The following ITGA8 variants were observed in gnomAD, a reference collection of about 807,000 sequenced individuals.
ITGA8 encodes integrin subunit alpha 8, also known as integrin alpha-8.
A neutral mutation model predicts 142.3 loss-of-function variants in ITGA8; 91 were observed. That is an observed-to-expected ratio of 0.64 (90% confidence interval 0.54 to 0.76). The LOEUF (loss-of-function observed/expected upper bound fraction) is 0.76, where lower values mean the gene tolerates loss of function less well. Among genes scored for constraint, ITGA8 ranks in the 30% least tolerant of loss-of-function variants. The pLI, the probability that ITGA8 is intolerant of heterozygous loss-of-function variation, is 0.00. For missense variants in ITGA8, 1,406 were observed against 1,327.7 expected, an observed-to-expected ratio of 1.06 and a Z score of -0.92; for synonymous variants, 505 against 485.2, an observed-to-expected ratio of 1.04 and a Z score of -0.54.
At chr10:15,674,172 T>C (rs900284166) in intron 6 of ITGA8, among the ~76,000 whole-genome samples, 2 of 152,200 alleles carry the variant, frequency 1.3e-5, no homozygotes, top group African/African-American at 2.4e-5. Flanking sequence ...ATTAAGACCA[T>C]GGTATTTACA....
At chr10:15,695,760 A>T (rs1248233756) in intron 2 of ITGA8, among the ~76,000 whole-genome samples, 9 of 152,206 alleles carry the variant, frequency 5.9e-5, no homozygotes, top group Non-Finnish European at 1.3e-4. Flanking sequence ...ATTTGAGAAC[A>T]GGGAAAGAAA....
chr10:15,588,565 A>G lies in ITGA8; in HGVS notation c.2292-1901T>C, dbSNP rs1424564898. 4.6e-5 allele frequency among the ~76,000 whole-genome samples: 7 copies of G among 152,290 alleles called. No individual in the cohort carries two copies. In the East Asian group the frequency reaches 1.3e-3, roughly 29 times the overall value. Reference sequence around the variant, plus strand: ...TATGGTTCCAAATATATTATGGGTAATTCTTCAGTTTGGAAATTTAAATAT... The same window carrying G: ...TATGGTTCCAAATATATTATGGGTAGTTCTTCAGTTTGGAAATTTAAATAT... On this transcript the variant is annotated intron_variant, in intron 22 of 29. Transcript: ENST00000378076.
chr10:15,602,731 C>G (rs1383499405), intron 20 of ITGA8, among the ~76,000 whole-genome samples: 2 of 139,372 alleles, frequency 1.4e-5, no homozygotes, highest in Non-Finnish European at 3.3e-5. Context: ...GAGCAAGACC[C>G]TGTCTCAAAA....
chr10:15,625,134 G>A (rs539219502), intron 13 of ITGA8, among the ~76,000 whole-genome samples: 2 of 151,888 alleles, frequency 1.3e-5, no homozygotes, highest in Admixed American at 1.3e-4. Flanking sequence ...CTAACAATCT[G>A]TCTGAAATGC....
intron 2 of ITGA8, among the ~76,000 whole-genome samples, chr10:15,715,958 A>G (rs1296754040): frequency 1.3e-5 from 2 of 152,156 alleles, no homozygotes; most frequent in East Asian, 1.9e-4. Context: ...CCTTCCCCAC[A>G]CCCATTTTCA....
At chr10:15,534,839 C>T (rs1833386991) in intron 27 of ITGA8, among the ~76,000 whole-genome samples, 1 of 152,240 alleles carries the variant, frequency 6.6e-6, no homozygotes, top group African/African-American at 2.4e-5. Flanking sequence ...GCTCTCGGCG[C>T]CTCCTCTGCC....
At chr10:15,717,182 A>G (rs1835469797) in intron 2 of ITGA8, among the ~76,000 whole-genome samples, 1 of 152,186 alleles carries the variant, frequency 6.6e-6, no homozygotes, top group African/African-American at 2.4e-5. Context: ...ATTTGATGTT[A>G]TGAGACTATA....
intron 28 of ITGA8, among the ~76,000 whole-genome samples, chr10:15,526,092 A>G (rs1833168962): frequency 6.6e-6 from 1 of 152,202 alleles, no homozygotes; most frequent in Non-Finnish European, 1.5e-5. Context: ...AATAGCTACC[A>G]TGTTGGACTG....
intron 14 of ITGA8, among the ~76,000 whole-genome samples, chr10:15,615,820 CT>C (rs9333149): frequency 9.3e-5 from 14 of 150,358 alleles, no homozygotes; most frequent in East Asian, 3.9e-4. Flanking sequence ...TGCCATAAAA[CT>C]TTTTTTTTTA....
intron 2 of ITGA8, among the ~76,000 whole-genome samples, chr10:15,708,600 T>G (rs185791457): frequency 4.6e-4 from 70 of 152,314 alleles, no homozygotes; most frequent in African/African-American, 1.6e-3. Context: ...AAAAAAGTTT[T>G]AATCACATTT....
chr10:15,670,510 C>A (rs186309712), intron 8 of ITGA8, among the ~76,000 whole-genome samples: 2 of 152,132 alleles, frequency 1.3e-5, no homozygotes, highest in African/African-American at 4.8e-5. Flanking sequence ...GAATCTATTA[C>A]GAGCAACACA....
chr10:15,692,676 C>T (rs567096040), intron 2 of ITGA8, among the ~76,000 whole-genome samples: 5 of 152,228 alleles, frequency 3.3e-5, no homozygotes, highest in Admixed American at 3.3e-4. Context: ...GATAACACCT[C>T]AACACAATTG....
intron 3 of ITGA8, among the ~76,000 whole-genome samples, chr10:15,684,434 A>C (rs1433148970): frequency 6.6e-6 from 1 of 152,120 alleles, no homozygotes; most frequent in Non-Finnish European, 1.5e-5. Context: ...AGGCATGATC[A>C]CAGCTCACTG....
chr10:15,672,563 A>C, intron 7 of ITGA8, 61 bp downstream of exon 7: 1 of 1,544,382 alleles, frequency 6.5e-7, no homozygotes, highest in Non-Finnish European at 8.7e-7. Flanking sequence ...TAAAACTTGC[A>C]TCTACATTTA....
chr10:15,682,879 T>C (rs1203037172), intron 4 of ITGA8, among the ~76,000 whole-genome samples: 2 of 151,150 alleles, frequency 1.3e-5, no homozygotes, highest in Non-Finnish European at 2.9e-5. Context: ...AAAAAATTTC[T>C]ACTGCCTGTT....
chr10:15,710,891 C>G (rs1024028975), intron 2 of ITGA8, among the ~76,000 whole-genome samples: 1 of 152,116 alleles, frequency 6.6e-6, no homozygotes, highest in Non-Finnish European at 1.5e-5. Flanking sequence ...CCTTCTCTCT[C>G]GTGTCAGTAT....
intron 23 of ITGA8, among the ~76,000 whole-genome samples, chr10:15,582,714 T>G (rs1168464465): frequency 6.6e-6 from 1 of 152,192 alleles, no homozygotes; most frequent in African/African-American, 2.4e-5. Context: ...AAATGAAAAC[T>G]AAAAACTCAG....
At chr10:15,603,045 T>C (rs78510819) in intron 20 of ITGA8, among the ~76,000 whole-genome samples, 1 of 152,138 alleles carries the variant, frequency 6.6e-6, no homozygotes, top group Non-Finnish European at 1.5e-5. Flanking sequence ...GTTTTTTTTT[T>C]CTTATACATT....
rs202138436 is a variant in ITGA8, at chr10:15,572,324, C to G, written c.2524G>C (p.Val842Leu). 3 of 1,614,094 alleles carry G rather than the reference C, an allele frequency of 1.9e-6. No homozygotes were observed. The South Asian group carries it at 3.3e-5, about 18-fold the overall frequency. Residue 842 changes from valine (V) to leucine (L), a missense_variant, in exon 25 of 30, where the codon GTG (valine) becomes CTG (leucine). Physicochemically the swap from Val to Leu is conservative, Grantham distance 32. Transcript: ENST00000378076. ...TCCCGGGCAGAGAAAGGCCAGCCCA[C>G]CTCCAGGATGGTGTCACTGATGGTA... ...PSTISDTILE[V>L]GWPFSARDEF...
Sources: gnomAD v4.1 joint callset for allele counts (sites outside exome capture counted in the v4.1 genomes callset) on GRCh38, gnomAD v4.1.1 for gene constraint, MANE v1.5 for transcripts, NCBI Gene and HGNC (gene_info 2026-07-23, HGNC 2026-07-21) for gene names.